The following SLC25A21 variants were observed in gnomAD, a reference collection of about 807,000 sequenced individuals.
SLC25A21 encodes solute carrier family 25 member 21.
SLC25A21 carries 47 observed loss-of-function variants against 43.8 expected under a neutral mutation model. That is an observed-to-expected ratio of 1.07 (90% CI 0.85 to 1.37). The LOEUF (loss-of-function observed/expected upper bound fraction) is 1.37, where lower values mean the gene tolerates loss of function less well. Among genes scored for constraint, SLC25A21 ranks in the 40% most tolerant of loss-of-function variants. The pLI, the probability that SLC25A21 is intolerant of heterozygous loss-of-function variation, is 0.00. For synonymous variants in SLC25A21, 131 were observed against 121.3 expected (o/e 1.08, Z -0.52); for missense variants, 352 against 350.2 (o/e 1.00, Z -0.04).
chr14:37,141,415 G>T (rs1963568434), intron 1 of SLC25A21, among the ~76,000 whole-genome samples: 1 of 152,120 alleles, frequency 6.6e-6, no homozygotes, highest in African/African-American at 2.4e-5. Context: ...CCACAGACAT[G>T]ATCTAAGTGA....
At chr14:36,900,265 C>T (rs989443975) in intron 1 of SLC25A21, among the ~76,000 whole-genome samples, 2 of 152,128 alleles carry the variant, frequency 1.3e-5, no homozygotes, top group East Asian at 3.9e-4. Flanking sequence ...TTCGATTGGC[C>T]TCACTTTAGT....
chr14:36,870,234 G>A (rs1301455849), intron 2 of SLC25A21, among the ~76,000 whole-genome samples: 33 of 152,304 alleles, frequency 2.2e-4, no homozygotes, highest in Admixed American at 1.9e-3. Flanking sequence ...AATGAGTGAT[G>A]TATTAGTTTC....
chr14:37,036,842 C>G (rs890454349), intron 1 of SLC25A21, among the ~76,000 whole-genome samples: 2 of 152,166 alleles, frequency 1.3e-5, no homozygotes, highest in Non-Finnish European at 2.9e-5. Flanking sequence ...CTGAGAAAAG[C>G]AGATGTTCAA....
chr14:37,079,358 C>T (rs1400882637), intron 1 of SLC25A21, among the ~76,000 whole-genome samples: 1 of 152,156 alleles, frequency 6.6e-6, no homozygotes, highest in Non-Finnish European at 1.5e-5. Context: ...CAAGGTTTTC[C>T]CTAATGCTCC....
chr14:36,696,303 G>A lies in SLC25A21; in HGVS notation c.604-11378C>T, dbSNP rs1258902615. 2.3e-4 allele frequency among the ~76,000 whole-genome samples: 35 copies of A among 151,156 alleles called. 1 individual carries two copies. Among genetic ancestry groups the A allele is most frequent in the East Asian group, 1.8e-3 (9 of 4,982 alleles). On this transcript the variant is annotated intron_variant, in intron 7 of 9. Transcript: ENST00000331299. ...AACTTTTTGATGTGCTGCTGGATTC[G>A]GTTTGCCAGTATTTTATTGAGGATT...
intron 2 of SLC25A21, among the ~76,000 whole-genome samples, chr14:36,874,707 T>C (rs1671844631): frequency 6.6e-6 from 1 of 152,240 alleles, no homozygotes; most frequent in South Asian, 2.1e-4. Flanking sequence ...CCAATATAGC[T>C]ACAAATCATA....
chr14:37,004,092 G>A (rs1960546010), intron 1 of SLC25A21, among the ~76,000 whole-genome samples: 1 of 151,996 alleles, frequency 6.6e-6, no homozygotes, highest in South Asian at 2.1e-4. Flanking sequence ...ACCACTCTTA[G>A]AATCAATGTT....
intron 1 of SLC25A21, among the ~76,000 whole-genome samples, chr14:37,098,734 T>C (rs61989523): frequency 3.2e-4 from 3 of 9,262 alleles, no homozygotes; most frequent in African/African-American, 3.8e-4. Context: ...GATAGATAGA[T>C]AGATAGATAG....
At chr14:36,998,344 T>C (rs1960416326) in intron 1 of SLC25A21, among the ~76,000 whole-genome samples, 2 of 152,130 alleles carry the variant, frequency 1.3e-5, no homozygotes, top group Admixed American at 6.6e-5. Context: ...ACTGCACCAA[T>C]GTGTGTTGAG....
chr14:36,983,494 A>T (rs1200522473), intron 1 of SLC25A21, among the ~76,000 whole-genome samples: 1 of 152,196 alleles, frequency 6.6e-6, no homozygotes, highest in Non-Finnish European at 1.5e-5. Context: ...AAGTAAAGAA[A>T]CAAAAAATAT....
At chr14:36,969,320 G>A (rs1480357169) in intron 1 of SLC25A21, among the ~76,000 whole-genome samples, 1 of 151,990 alleles carries the variant, frequency 6.6e-6, no homozygotes, top group African/African-American at 2.4e-5. Flanking sequence ...TCCTGTCTTC[G>A]AGCCTGGTCC....
chr14:37,134,191 G>A (rs1461334796), intron 1 of SLC25A21, among the ~76,000 whole-genome samples: 1 of 152,136 alleles, frequency 6.6e-6, no homozygotes, highest in Non-Finnish European at 1.5e-5. Flanking sequence ...ATAAAGATCA[G>A]AATAACCAAT....
At chr14:37,134,618 C>T (rs759563018) in intron 1 of SLC25A21, among the ~76,000 whole-genome samples, 41 of 148,930 alleles carry the variant, frequency 2.8e-4, no homozygotes, top group Non-Finnish European at 5.0e-4. Context: ...GCACTCTAGC[C>T]GCCTGGGTCA....
At chr14:37,139,170 T>C (rs1207170138) in intron 1 of SLC25A21, among the ~76,000 whole-genome samples, 1 of 152,128 alleles carries the variant, frequency 6.6e-6, no homozygotes, top group Non-Finnish European at 1.5e-5. Context: ...TGTGTCCAAA[T>C]GTAACATTAC....
At chr14:37,082,689 C>G (rs1237105270) in intron 1 of SLC25A21, among the ~76,000 whole-genome samples, 2 of 152,110 alleles carry the variant, frequency 1.3e-5, no homozygotes, top group Non-Finnish European at 2.9e-5. Context: ...CCTGAAGTAC[C>G]TATTTTCCCA....
chr14:37,135,911 T>C (rs1963472525), intron 1 of SLC25A21, among the ~76,000 whole-genome samples: 2 of 152,202 alleles, frequency 1.3e-5, no homozygotes, highest in Admixed American at 1.3e-4. Context: ...ACTTTGCACA[T>C]AGTAAGTGCT....
At chr14:37,141,598 G>T (rs535221791) in intron 1 of SLC25A21, among the ~76,000 whole-genome samples, 12 of 151,924 alleles carry the variant, frequency 7.9e-5, no homozygotes, top group African/African-American at 2.9e-4. Context: ...TTGAGTTACC[G>T]GCTATTTTAT....
chr14:36,684,758 G>C lies in SLC25A21; in HGVS notation c.771C>G (p.Val257=). ...YRTCFKTMAT[V]YQEEGILALY... ...TGTTATGTTACCCTTCTTCCTGATA[G>C]ACTGTTGCCATTGTTTTAAAACAGG... The change falls in exon 8 of 10, where the codon GTC becomes GTG. Residue 257 remains valine, a synonymous_variant. Coordinates refer to ENST00000331299, the MANE Select transcript of SLC25A21 (RefSeq NM_030631.4). 1 of 1,606,214 alleles carries C rather than the reference G, an allele frequency of 6.2e-7. No homozygotes were observed. Among genetic ancestry groups the C allele is most frequent in the Non-Finnish European group, 8.5e-7 (1 of 1,176,898 alleles).
intron 1 of SLC25A21, among the ~76,000 whole-genome samples, chr14:36,998,543 G>A (rs1960421124): frequency 6.6e-6 from 1 of 152,058 alleles, no homozygotes; most frequent in Non-Finnish European, 1.5e-5. Context: ...AAATATCTAG[G>A]AAACTCTAAG....
Sources: allele counts gnomAD v4.1 joint callset (sites outside exome capture counted in the v4.1 genomes callset), GRCh38; gene constraint gnomAD v4.1.1; transcripts MANE v1.5; gene names NCBI Gene and HGNC (gene_info 2026-07-23, HGNC 2026-07-21).